The following SNED1 variants were observed in gnomAD, a reference collection of about 807,000 sequenced individuals.
The protein encoded by SNED1 is sushi, nidogen and EGF like domains 1, also known as sushi, nidogen and EGF-like domain-containing protein 1.
A neutral mutation model predicts 166.7 loss-of-function variants in SNED1; 81 were observed. That is an observed-to-expected ratio of 0.49 (90% CI 0.41 to 0.58). The LOEUF is 0.58. Among genes scored for constraint, SNED1 ranks in the 20% least tolerant of loss-of-function variants. The pLI, the probability that SNED1 is intolerant of heterozygous loss-of-function variation, is 0.00. For synonymous variants in SNED1, 762 were observed against 822.0 expected (o/e 0.93, Z 1.25); for missense variants, 1,604 against 2,000.2 (o/e 0.80, Z 3.78).
intron 2 of SNED1, among the ~76,000 whole-genome samples, chr2:241,031,682 G>T (rs192013804): frequency 6.6e-6 from 1 of 152,354 alleles, no homozygotes; most frequent in East Asian, 1.9e-4. Flanking sequence ...GCCCTTACTG[G>T]CTCTAGTCCG....
intron 29 of SNED1, among the ~76,000 whole-genome samples, chr2:241,085,860 CTTTTTTTTTTT>C (rs772995766): frequency 3.7e-4 from 29 of 79,190 alleles, no homozygotes; most frequent in Non-Finnish European, 5.5e-4. Context: ...TCTGCGGTTT[CTTTTTTTTTTT>C]TTTTTTTTTT....
intron 8 of SNED1, 131 bp from the exon 9 acceptor site, chr2:241,048,184 G>A: frequency 1.8e-6 from 2 of 1,101,840 alleles, no homozygotes; most frequent in Non-Finnish European, 2.5e-6. Flanking sequence ...CCAGAAATAA[G>A]CTTCTGGCTT....
intron 1 of SNED1, among the ~76,000 whole-genome samples, chr2:241,005,124 T>G (rs2060186571): frequency 1.3e-5 from 2 of 152,140 alleles, no homozygotes; most frequent in African/African-American, 2.4e-5. Context: ...CTTCTTCATT[T>G]CTTTGTGTAG....
chr2:241,063,450 A>G, intron 17 of SNED1, 137 bp from the exon 18 acceptor site: 1 of 690,450 alleles, frequency 1.4e-6, no homozygotes, highest in Non-Finnish European at 2.7e-6. Flanking sequence ...TGATGGAAGA[A>G]AAAGCACATG....
intron 24 of SNED1, among the ~76,000 whole-genome samples, chr2:241,071,251 C>T (rs758080): frequency 0.051 from 7,742 of 152,232 alleles, 639 homozygotes; most frequent in African/African-American, 0.18. Flanking sequence ...GACCTGAGTC[C>T]GAGCCCGAGT....
chr2:241,051,613 G>C lies in SNED1; in HGVS notation c.1736-131G>C. ...GCGGACCTGCTTGGCCCCTGCTGCA[G>C]CCAGGCCCCAGGGCTTCGTCGAGAA... On this transcript the variant is annotated intron_variant, in intron 12 of 31. Transcript: ENST00000310397. This position sits in a 1 kb window ranked among gnomAD's most constrained non-coding sequence, Gnocchi z 4.7. 1.4e-6 allele frequency: 1 copy of C among 720,166 alleles called. No individual in the cohort carries two copies. 44.6% of individuals were successfully genotyped at this position (720,166 alleles called of 1,614,324 possible).
chr2:241,090,129 C>T, intron 31 of SNED1: 1 of 1,482,094 alleles, frequency 6.7e-7, no homozygotes, highest in South Asian at 1.4e-5. Flanking sequence ...TTTTTAATAA[C>T]AGCTTAAAAT....
chr2:241,050,670 AGAC>A (rs2061809800), intron 12 of SNED1, among the ~76,000 whole-genome samples: 1 of 152,194 alleles, frequency 6.6e-6, no homozygotes, highest in South Asian at 2.1e-4. Context: ...TCCAAAGAGA[AGAC>A]CCCAACTGCT....
chr2:241,063,413 C>T (rs2062306147), intron 17 of SNED1, 174 bp from the exon 18 acceptor site: 5 of 622,574 alleles, frequency 8.0e-6, no homozygotes, highest in African/African-American at 7.3e-5. Context: ...AGGTGGCACG[C>T]CTCCCGAGGA....
At chr2:241,072,233 C>CAGG in intron 26 of SNED1, 1 of 500,554 alleles carries the variant, frequency 2.0e-6, no homozygotes, top group Non-Finnish European at 3.9e-6. Flanking sequence ...AAACCATGGG[C>CAGG]AGGAGGCCAT....
At chr2:241,063,952 C>T in intron 18 of SNED1, 60 bp from the exon 19 acceptor site, 1 of 1,265,522 alleles carries the variant, frequency 7.9e-7, no homozygotes, top group African/African-American at 1.5e-5. Flanking sequence ...CCGCTGTCCT[C>T]TCCTCCCTCC....
intron 29 of SNED1, among the ~76,000 whole-genome samples, chr2:241,085,929 C>T (rs2063554111): frequency 1.5e-5 from 2 of 136,718 alleles, no homozygotes; most frequent in African/African-American, 5.7e-5. Context: ...TGCAGTGGAG[C>T]GATCTCAGCT....
intron 8 of SNED1, chr2:241,040,752 G>A (rs879739040): frequency 6.3e-6 from 3 of 474,960 alleles, no homozygotes; most frequent in African/African-American, 2.0e-5. Flanking sequence ...TTCCAGCCTG[G>A]GTGACTCTTG....
chr2:241,031,344 C>T (rs111371045), intron 2 of SNED1, among the ~76,000 whole-genome samples: 9,295 of 152,068 alleles, frequency 0.061, 607 homozygotes, highest in African/African-American at 0.16. Flanking sequence ...TTTGTATTTT[C>T]AGTAGAGAGG....
chr2:241,055,179 A>G (rs1228735083), intron 16 of SNED1, among the ~76,000 whole-genome samples: 1 of 152,146 alleles, frequency 6.6e-6, no homozygotes, highest in Non-Finnish European at 1.5e-5. Flanking sequence ...AGCTGAGATA[A>G]TCGGAGCCCA....
chr2:241,082,187 C>T, intron 28 of SNED1, 90 bp from the exon 29 acceptor site: 1 of 1,047,848 alleles, frequency 9.5e-7, no homozygotes, highest in Non-Finnish European at 1.4e-6. Context: ...CTAAGGACCC[C>T]CGGGCCCTCT....
Position 241,073,235 on chromosome 2 carries a change from C to A in SNED1, c.3818-31C>A. The A allele has an allele frequency of 2.0e-6, 3 of 1,506,420 alleles. No homozygotes were observed. Among genetic ancestry groups the A allele is most frequent in the Non-Finnish European group, 2.7e-6 (3 of 1,107,168 alleles). 93.3% of individuals were successfully genotyped at this position (1,506,420 alleles called of 1,614,324 possible). A position where few individuals can be genotyped will look rare whatever the true frequency, so the allele number is the denominator to read the frequency against. ...GACCATCCCGGGTGCAAAGCAGCTG[C>A]GCCGTGTGGTCACCGCCTGGCTTCT... is the stretch of plus-strand genomic sequence containing the variant. On this transcript the variant is annotated intron_variant, in intron 26 of 31. Coordinates refer to ENST00000310397, the MANE Select transcript of SNED1 (RefSeq NM_001080437.3). This position sits in a 1 kb window ranked among gnomAD's most constrained non-coding sequence, Gnocchi z 6.6.
At chr2:241,027,457 C>T (rs1385002720) in intron 1 of SNED1, among the ~76,000 whole-genome samples, 1 of 152,186 alleles carries the variant, frequency 6.6e-6, no homozygotes, top group Non-Finnish European at 1.5e-5. Flanking sequence ...CATTCATCCT[C>T]AGTGGACACT....
chr2:241,020,961 A>C (rs575339276), intron 1 of SNED1, among the ~76,000 whole-genome samples: 11 of 152,314 alleles, frequency 7.2e-5, no homozygotes, highest in Non-Finnish European at 1.3e-4. Flanking sequence ...GTCAACAGCA[A>C]TTCCACCTTC....
Sources: gnomAD v4.1 joint callset for allele counts (sites outside exome capture counted in the v4.1 genomes callset) on GRCh38, gnomAD v4.1.1 for gene constraint, Gnocchi (gnomAD v3.1) non-coding constraint, MANE v1.5 for transcripts, NCBI Gene and HGNC (gene_info 2026-07-23, HGNC 2026-07-21) for gene names.